STON1: variants seen among roughly 807,000 people sequenced by gnomAD.
STON1 encodes the protein stonin 1.
A neutral mutation model predicts 60.9 loss-of-function variants in STON1; 79 were observed. That is an observed-to-expected ratio of 1.30 (90% CI 1.08 to 1.56). The LOEUF (loss-of-function observed/expected upper bound fraction) is 1.56, where lower values mean the gene tolerates loss of function less well. Ranked by LOEUF, STON1 falls within the 40% of genes most tolerant of loss-of-function variation. The probability of loss-of-function intolerance (pLI) is 0.00; values close to 1 mark genes in which losing one functional copy is unlikely to be tolerated. For synonymous variants in STON1, 363 were observed against 306.9 expected (o/e 1.18, Z -1.91); for missense variants, 1,166 against 858.9 (o/e 1.36, Z -4.47).
chr2:48,592,652 G>A (rs1291205776), intron 3 of STON1, among the ~76,000 whole-genome samples: 2 of 149,702 alleles, frequency 1.3e-5, no homozygotes, highest in Non-Finnish European at 3.0e-5. Context: ...GTAGAGATGG[G>A]GTTTTGCCAT....
At position 48,558,313 on chromosome 2, in the gene STON1, C is replaced by T. The variant is rs989175712; in HGVS notation, c.-47-22274C>T. Among the ~76,000 whole-genome samples, 30 of 152,088 alleles carry T rather than the reference C, an allele frequency of 2.0e-4. 1 individual carries two copies. Among genetic ancestry groups the T allele is most frequent in the African/African-American group, 7.0e-4 (29 of 41,396 alleles). On this transcript the variant is annotated intron_variant, in intron 1 of 3. Coordinates refer to ENST00000404752, the MANE Select transcript of STON1 (RefSeq NM_006873.4). ...ATACACATATATATCAATGGAATTCCGTGGAAGTAGAGAGGAATAGAAGCA... is the reference window on the plus strand; with the variant it reads ...ATACACATATATATCAATGGAATTCTGTGGAAGTAGAGAGGAATAGAAGCA...
chr2:48,547,178 C>A (rs138147377), intron 1 of STON1, among the ~76,000 whole-genome samples: 2 of 152,228 alleles, frequency 1.3e-5, no homozygotes, highest in Non-Finnish European at 2.9e-5. Context: ...ATCAGTTGAT[C>A]TCTCTGGACT....
intron 1 of STON1, among the ~76,000 whole-genome samples, chr2:48,548,293 C>T (rs1278691675): frequency 6.6e-6 from 1 of 152,182 alleles, no homozygotes; most frequent in Non-Finnish European, 1.5e-5. Flanking sequence ...CTTATGCCAC[C>T]TCAGGTGATG....
intron 1 of STON1, among the ~76,000 whole-genome samples, chr2:48,547,955 T>C (rs1671931191): frequency 6.6e-6 from 1 of 152,216 alleles, no homozygotes; most frequent in South Asian, 2.1e-4. Context: ...TTAAAGTTTT[T>C]TTCTGCTTCT....
At chr2:48,580,556 C>T (rs1673812515) in intron 1 of STON1, 31 bp from the exon 2 acceptor site, 5 of 1,318,264 alleles carry the variant, frequency 3.8e-6, no homozygotes, top group Non-Finnish European at 4.9e-6. Context: ...TTTTATATAC[C>T]TATTTTCTCT....
At chr2:48,580,454 GT>G (rs11313336) in intron 1 of STON1, 132 bp from the exon 2 acceptor site, 283,252 of 856,442 alleles carry the variant, frequency 0.33, 41,946 homozygotes, top group East Asian at 0.44. Flanking sequence ...GTTGGATCAT[GT>G]TTTTTTTTTA....
rs552102080 is a variant in STON1, at chr2:48,545,474, G to A, written c.-48+15258G>A. ...CCTGCTACAAACTCCTGCCCCTAGCGGCTGGCTTGCTGTCTGTCTAACCAG... is the reference window on the plus strand; with the variant it reads ...CCTGCTACAAACTCCTGCCCCTAGCAGCTGGCTTGCTGTCTGTCTAACCAG... On this transcript the variant is annotated intron_variant, in intron 1 of 3. Transcript: ENST00000404752. 3.0e-4 allele frequency among the ~76,000 whole-genome samples: 46 copies of A among 152,234 alleles called. 1 individual carries two copies. In the South Asian group the frequency reaches 9.1e-3, roughly 30 times the overall value.
chr2:48,564,405 GTCTTCTTCTTCTTCTTCTTCT>G (rs1241898892), intron 1 of STON1, among the ~76,000 whole-genome samples: 67 of 83,026 alleles, frequency 8.1e-4, no homozygotes, highest in East Asian at 3.9e-3. Flanking sequence ...CAGTGGCGGT[GTCTTCTTCTTCTTCTTCTTCT>G]TCTTCTTCTT....
intron 1 of STON1, among the ~76,000 whole-genome samples, chr2:48,564,480 T>TTCTTCTTCTTCCTTCTTCTTC (rs1558604783): frequency 3.1e-5 from 1 of 32,480 alleles, no homozygotes; most frequent in African/African-American, 1.2e-4. Flanking sequence ...CTTCTTCTTC[T>TTCTTCTTCTTCCTTCTTCTTC]TTCTTCTTCT....
intron 1 of STON1, among the ~76,000 whole-genome samples, chr2:48,561,301 T>G (rs1672599584): frequency 6.6e-6 from 1 of 152,220 alleles, no homozygotes; most frequent in South Asian, 2.1e-4. Flanking sequence ...GTTTTCTAGA[T>G]TATATTTGGT....
chr2:48,541,607 G>C (rs1671654745), intron 1 of STON1, among the ~76,000 whole-genome samples: 1 of 147,680 alleles, frequency 6.8e-6, no homozygotes, highest in Non-Finnish European at 1.5e-5. Flanking sequence ...GCTGAGGCAG[G>C]AGAATCACTT....
intron 1 of STON1, among the ~76,000 whole-genome samples, chr2:48,539,509 T>C (rs1472374361): frequency 2.0e-5 from 3 of 152,116 alleles, no homozygotes; most frequent in Non-Finnish European, 4.4e-5. Context: ...ATATGTTTTC[T>C]TTTTTGAGAT....
In STON1 at chr2:48,557,418, G is replaced by T; in HGVS notation, c.-47-23169G>T. On this transcript the variant is annotated intron_variant, in intron 1 of 3. Transcript: ENST00000404752. ...GGCTCCTCACTTCCTAGATGTGATG[G>T]CGGCCGGGCAGAGACGCTCCTCACT... Among the ~76,000 whole-genome samples, 2 of 96,104 alleles carry T rather than the reference G, an allele frequency of 2.1e-5. 1 individual carries two copies. The highest frequency in any genetic ancestry group is 6.7e-5 in the African/African-American group (2 of 29,962). 63.0% of individuals were successfully genotyped at this position (96,104 alleles called of 152,430 possible).
At chr2:48,575,390 A>C (rs1673423526) in intron 1 of STON1, among the ~76,000 whole-genome samples, 1 of 152,128 alleles carries the variant, frequency 6.6e-6, no homozygotes. Context: ...TCTGTGGCTC[A>C]CACCTGTAAT....
In STON1 at chr2:48,595,783, A is replaced by T. The variant is rs1674760722; in HGVS notation, c.*481A>T. ...CTGAAATGTGGCTAGGTGTAGAATG[A>T]TGTTGAAACCACAGGCTAAAATGTA... On this transcript the variant is annotated 3_prime_UTR_variant, in exon 4 of 4. Coordinates refer to ENST00000404752, the MANE Select transcript of STON1 (RefSeq NM_006873.4). 1 of 156,988 alleles carries T rather than the reference A, an allele frequency of 6.4e-6. No homozygotes were observed. The highest frequency in any genetic ancestry group is 1.4e-5 in the Non-Finnish European group (1 of 71,644). 9.7% of individuals were successfully genotyped at this position (156,988 alleles called of 1,614,324 possible).
At chr2:48,558,959 C>G (rs1052508720) in intron 1 of STON1, among the ~76,000 whole-genome samples, 3 of 152,140 alleles carry the variant, frequency 2.0e-5, no homozygotes. Context: ...AAGTTAGGAC[C>G]TTTTCGAATG....
chr2:48,564,665 TTTC>T lies in STON1; in HGVS notation c.-47-15906_-47-15904del, dbSNP rs781532074. 1.1e-4 allele frequency among the ~76,000 whole-genome samples: 15 copies of T among 140,272 alleles called. 1 individual carries two copies. The highest frequency in any genetic ancestry group is 3.5e-3 in the Middle Eastern group (1 of 288). The allele number at this position is 140,272 out of a possible 152,430, so 92.0% of individuals were successfully genotyped here. Reference sequence around the variant, plus strand: ...TTCTCCTTCTTCTTCTTCTTTCTTATTTCTTCTTCTTCTTCTTCCTTCTTTCTT... The same window carrying T: ...TTCTCCTTCTTCTTCTTCTTTCTTATTTCTTCTTCTTCTTCCTTCTTTCTT... On this transcript the variant is annotated intron_variant, in intron 1 of 3. Coordinates refer to ENST00000404752, the MANE Select transcript of STON1 (RefSeq NM_006873.4).
chr2:48,554,709 T>A (rs1672241018), intron 1 of STON1, among the ~76,000 whole-genome samples: 1 of 48,942 alleles, frequency 2.0e-5, no homozygotes, highest in Non-Finnish European at 5.0e-5. Context: ...AGTGCAAAAT[T>A]TTTTTTTTTT....
intron 1 of STON1, among the ~76,000 whole-genome samples, chr2:48,541,063 T>C (rs761872768): frequency 6.6e-6 from 1 of 152,180 alleles, no homozygotes; most frequent in Non-Finnish European, 1.5e-5. Context: ...TAAAAGTTTA[T>C]TTTGGGCCGG....
Sources: allele counts gnomAD v4.1 joint callset (sites outside exome capture counted in the v4.1 genomes callset), GRCh38; gene constraint gnomAD v4.1.1; transcripts MANE v1.5; gene names NCBI Gene and HGNC (gene_info 2026-07-23, HGNC 2026-07-21).